SMC1B: variants seen among roughly 807,000 people sequenced by gnomAD.
SMC1B encodes the protein structural maintenance of chromosomes protein 1B.
A neutral mutation model predicts 157.9 loss-of-function variants in SMC1B; 60 were observed. The observed-to-expected ratio is 0.38, with a 90% CI of 0.31 to 0.47. The LOEUF is 0.47. SMC1B is among the 20% of genes least tolerant of loss of function. The pLI, the probability that SMC1B is intolerant of heterozygous loss-of-function variation, is 0.99. For missense variants in SMC1B, 1,165 were observed against 1,426.2 expected (o/e 0.82, Z 2.95); for synonymous variants, 445 against 483.0 (o/e 0.92, Z 1.03).
At chr22:45,390,067 G>C (rs766819160) in intron 9 of SMC1B, among the ~76,000 whole-genome samples, 170 bp from the exon 10 acceptor site, 42 of 151,972 alleles carry the variant, frequency 2.8e-4, no homozygotes, top group Non-Finnish European at 4.3e-4. Context: ...ATTATGCAAT[G>C]TCCATCTAGC....
In SMC1B at chr22:45,353,908, A is replaced by AAC. The variant is rs1297528328; in HGVS notation, c.3273+69_3273+70insGT. On this transcript the variant is annotated intron_variant, in intron 21 of 24. Transcript: ENST00000357450. ...TATTTCCCACCAAAAAAAAAAAAAA[A>AAC]AAAAAAAAAAAACAACCACCACCGG... 1.5e-5 allele frequency: 10 copies of AAC among 675,014 alleles called. No individual in the cohort carries two copies. In the East Asian group the frequency reaches 3.3e-4, roughly 22 times the overall value. The allele number at this position is 675,014 out of a possible 1,614,324, so 41.8% of individuals were successfully genotyped here. A position where few individuals can be genotyped will look rare whatever the true frequency, so the allele number is the denominator to read the frequency against.
intron 9 of SMC1B, among the ~76,000 whole-genome samples, chr22:45,390,456 C>T (rs1344485660): frequency 6.6e-6 from 1 of 151,910 alleles, no homozygotes; most frequent in African/African-American, 2.4e-5. Context: ...GCCTGTAATC[C>T]CAGCATTTTG....
At chr22:45,404,606 A>T (rs948978133) in intron 4 of SMC1B, among the ~76,000 whole-genome samples, 1 of 152,250 alleles carries the variant, frequency 6.6e-6, no homozygotes, top group African/African-American at 2.4e-5. Flanking sequence ...TAATCCAGAC[A>T]TTTCCTTTCT....
intron 22 of SMC1B, 149 bp from the exon 23 acceptor site, chr22:45,349,946 G>A: frequency 1.5e-6 from 1 of 656,044 alleles, no homozygotes. Flanking sequence ...ACTAAATCCA[G>A]TGCTCAGTTA....
intron 1 of SMC1B, among the ~76,000 whole-genome samples, chr22:45,410,591 T>A (rs1278122526): frequency 6.6e-6 from 1 of 152,138 alleles, no homozygotes; most frequent in Non-Finnish European, 1.5e-5. Flanking sequence ...TAATCCCAGC[T>A]ACTCGGGAGG....
chr22:45,370,674 G>A (rs188954105), intron 14 of SMC1B, among the ~76,000 whole-genome samples: 119 of 152,256 alleles, frequency 7.8e-4, no homozygotes, highest in African/African-American at 2.7e-3. Context: ...CAGTTAGCAT[G>A]ACTAGATAAT....
intron 7 of SMC1B, 66 bp downstream of exon 7, chr22:45,396,280 G>T: frequency 7.2e-7 from 1 of 1,388,684 alleles, no homozygotes; most frequent in Non-Finnish European, 9.9e-7. Flanking sequence ...TCTGGAGACA[G>T]GTACAAAAAG....
intron 8 of SMC1B, 35 bp downstream of exon 8, chr22:45,394,650 A>G: frequency 6.7e-7 from 1 of 1,490,026 alleles, no homozygotes; most frequent in South Asian, 1.3e-5. Flanking sequence ...AAATAAAAGA[A>G]AATTGCTGCA....
intron 7 of SMC1B, among the ~76,000 whole-genome samples, chr22:45,395,215 T>C (rs997358976): frequency 6.6e-6 from 1 of 152,158 alleles, no homozygotes; most frequent in African/African-American, 2.4e-5. Flanking sequence ...GATAATTAAA[T>C]AAGTAATTAT....
chr22:45,412,783 G>A (rs957691065), intron 1 of SMC1B, among the ~76,000 whole-genome samples: 3 of 152,076 alleles, frequency 2.0e-5, no homozygotes, highest in African/African-American at 4.8e-5. Context: ...AACCAAAGAC[G>A]GTGTCGCCAG....
In SMC1B at chr22:45,359,930, C is replaced by G; in HGVS notation, c.2737G>C (p.Val913Leu). 1.2e-6 allele frequency: 2 copies of G among 1,613,754 alleles called. No individual in the cohort carries two copies. The highest frequency in any genetic ancestry group is 1.7e-6 in the Non-Finnish European group (2 of 1,179,806). Residue 913 changes from valine (V) to leucine (L), a missense_variant, in exon 18 of 25, where the codon GTA (valine) becomes CTA (leucine). Transcript: ENST00000357450. ...REVGKLQKEV[V>L]SIQTSLEQKR... ...TGTTCCAGAGAAGTTTGAATACTTACAACTTCTTTTTGCAATTTCCCCACT... is the reference window on the plus strand; with the variant it reads ...TGTTCCAGAGAAGTTTGAATACTTAGAACTTCTTTTTGCAATTTCCCCACT...
At chr22:45,362,829 A>G in intron 16 of SMC1B, 56 bp downstream of exon 16, 1 of 1,458,914 alleles carries the variant, frequency 6.9e-7, no homozygotes, top group Non-Finnish European at 9.5e-7. Context: ...GGTTTACCAC[A>G]TGAAGGAAGT....
rs146080802 is a variant in SMC1B at position 45,355,910 on chromosome 22, A to G, written c.2962-795T>C. 2.6e-3 allele frequency among the ~76,000 whole-genome samples: 403 copies of G among 152,260 alleles called. 1 individual carries two copies. The highest frequency in any genetic ancestry group is 4.0e-3 in the Non-Finnish European group (274 of 68,016). On this transcript the variant is annotated intron_variant, in intron 19 of 24. Coordinates refer to ENST00000357450, the MANE Select transcript of SMC1B (RefSeq NM_148674.5). ...CATGGTGAAACCCCATCTCTACTAAAAATACAAAAATTAGCCAGGCATGGT... is the reference window on the plus strand; with the variant it reads ...CATGGTGAAACCCCATCTCTACTAAGAATACAAAAATTAGCCAGGCATGGT...
At chr22:45,354,870 G>T in intron 20 of SMC1B, 89 bp downstream of exon 20, 3 of 1,225,144 alleles carry the variant, frequency 2.4e-6, no homozygotes, top group Non-Finnish European at 3.5e-6. Flanking sequence ...ATAACAAAAA[G>T]GGACAACAGA....
Position 45,378,173 on chromosome 22 carries a change from T to C in SMC1B, c.2058+5294A>G, listed in dbSNP as rs185100764. ...AGCTTTTACTGTGTCTCAAAGATAA[T>C]GGTAGGAAGTATATTCCTATTCATC... On this transcript the variant is annotated intron_variant, in intron 12 of 24. Transcript: ENST00000357450. Among the ~76,000 whole-genome samples the C allele has an allele frequency of 1.4e-4, 21 of 152,280 alleles. 1 individual carries two copies. The highest frequency in any genetic ancestry group is 4.6e-4 in the Admixed American group (7 of 15,294).
At chr22:45,401,452 C>T (rs2087192262) in intron 5 of SMC1B, among the ~76,000 whole-genome samples, 1 of 152,240 alleles carries the variant, frequency 6.6e-6, no homozygotes, top group Non-Finnish European at 1.5e-5. Context: ...AAGGCTCCAT[C>T]TTCCCTTTTC....
intron 5 of SMC1B, 42 bp downstream of exon 5, chr22:45,402,291 T>C (rs201536464): frequency 4.4e-5 from 57 of 1,300,256 alleles, no homozygotes; most frequent in Non-Finnish European, 6.0e-5. Context: ...TCTATCAAGC[T>C]ACATATAACC....
chr22:45,358,838 T>C (rs2086694249), intron 18 of SMC1B, 43 bp from the exon 19 acceptor site: 1 of 1,446,240 alleles, frequency 6.9e-7, no homozygotes, highest in Admixed American at 1.7e-5. Context: ...TTAAGTTTGT[T>C]GTCTTATATG....
Position 45,406,463 on chromosome 22 carries a change from T to C in SMC1B, c.612A>G (p.Glu204=), listed in dbSNP as rs1313164615. The C allele has an allele frequency of 1.9e-6, 3 of 1,606,892 alleles. No homozygotes were observed. The highest frequency in any genetic ancestry group is 2.2e-5 in the South Asian group (2 of 88,922). ...TTACATCTTCATGACATCTTACCTC[T>C]TCCTTCTCTAATTTTGCTTGTCTGC... ...AERRQAKLEK[E]EAERYQSLLE... The change falls in exon 4 of 25, where the codon GAA becomes GAG. Residue 204 remains glutamate, a synonymous_variant. Transcript: ENST00000357450.
Sources: gnomAD v4.1 joint callset for allele counts (sites outside exome capture counted in the v4.1 genomes callset) on GRCh38, gnomAD v4.1.1 for gene constraint, MANE v1.5 for transcripts, NCBI Gene and HGNC (gene_info 2026-07-23, HGNC 2026-07-21) for gene names.